Variants in POLA1 observed in about 807,000 individuals in gnomAD.
POLA1 encodes DNA polymerase alpha 1, catalytic subunit.
Under a neutral mutation model 124.0 loss-of-function variants are expected in POLA1, and 15 were observed. The ratio of observed to expected loss-of-function variants is 0.12; its 90% CI spans 0.08 to 0.19. POLA1 has a LOEUF of 0.19. Ranked by LOEUF, POLA1 falls within the 10% of genes least tolerant of loss-of-function variation. POLA1 has a pLI of 1.00. For synonymous variants in POLA1, 408 were observed against 389.4 expected (o/e 1.05, Z -0.56); for missense variants, 886 against 1,103.4 (o/e 0.80, Z 2.79).
At chrX:24,964,364 T>A (rs762044023) in intron 36 of POLA1, among the ~76,000 whole-genome samples, 2 of 112,804 alleles carry the variant, frequency 1.8e-5, no homozygotes, top group East Asian at 5.5e-4. Flanking sequence ...ATAAAAATGT[T>A]TTTATGACAA....
At chrX:24,964,073 AT>A (rs936201728) in intron 36 of POLA1, among the ~76,000 whole-genome samples, 3 of 111,761 alleles carry the variant, frequency 2.7e-5, no homozygotes, top group Non-Finnish European at 3.8e-5. Flanking sequence ...GGAAGTGCTG[AT>A]TGGTGGGAAG....
chrX:24,784,036 T>A (rs980924360), intron 26 of POLA1, among the ~76,000 whole-genome samples: 1 of 107,619 alleles, frequency 9.3e-6, no homozygotes, highest in African/African-American at 3.4e-5. Flanking sequence ...CCATTTATCA[T>A]TTTATCTGCA....
At position 24,786,224 on chromosome X, in the gene POLA1, G is replaced by A. The variant is rs2045358237; in HGVS notation, c.2965-23674G>A. 2.7e-5 allele frequency among the ~76,000 whole-genome samples: 3 copies of A among 112,151 alleles called. No homozygotes were observed. In the South Asian group the frequency reaches 1.1e-3, roughly 42 times the overall value. On this transcript the variant is annotated intron_variant, in intron 26 of 36. Coordinates refer to ENST00000379068, the MANE Select transcript of POLA1 (RefSeq NM_001330360.2). Reference sequence around the variant, plus strand: ...ATAACTGATTTCATTTCCTTTGGATGTAATTTTTTGGGGAACCTCCATACT... The same window carrying A: ...ATAACTGATTTCATTTCCTTTGGATATAATTTTTTGGGGAACCTCCATACT...
At position 24,735,551 on chromosome X, in the gene POLA1, C is replaced by T. The variant is rs776413849; in HGVS notation, c.1923+63C>T. 8 of 645,689 alleles carry T rather than the reference C, an allele frequency of 1.2e-5. No individual in the cohort carries two copies. In the African/African-American group the frequency reaches 1.7e-4, roughly 14 times the overall value. 53.2% of individuals were successfully genotyped at this position (645,689 alleles called of 1,213,427 possible). Reference sequence around the variant, plus strand: ...CATTTCTTAGTTCTTTTCAGTGTGACTTTATTGGTGCTTTTGAGCAGCAAA... The same window carrying T: ...CATTTCTTAGTTCTTTTCAGTGTGATTTTATTGGTGCTTTTGAGCAGCAAA... On this transcript the variant is annotated intron_variant, in intron 18 of 36. Transcript: ENST00000379068.
Position 24,922,987 on chromosome X carries a change from A to T in POLA1, c.4165-7466A>T, listed in dbSNP as rs373220401. Among the ~76,000 whole-genome samples, 286 of 112,002 alleles carry T rather than the reference A, an allele frequency of 2.6e-3. 1 individual carries two copies. The highest frequency in any genetic ancestry group is 8.8e-3 in the African/African-American group (273 of 30,857). ...GCAAATTCAATCTTTTTTTGACATT[A>T]GGTTAACCTAGAAATAATGACATTA... On this transcript the variant is annotated intron_variant, in intron 35 of 36. Coordinates refer to ENST00000379068, the MANE Select transcript of POLA1 (RefSeq NM_001330360.2).
rs753405184 is a variant in POLA1, at chrX:24,923,981, C to T, written c.4165-6472C>T. Among the ~76,000 whole-genome samples the T allele has an allele frequency of 1.3e-3, 150 of 111,609 alleles. 2 individuals are homozygous for T. The highest frequency in any genetic ancestry group is 5.9e-4 in the African/African-American group (18 of 30,703). Reference sequence around the variant, plus strand: ...AGCCTAAAGGTGTATGGAAATTGAGCGATACTGGAATTCGAAGGCATATCT... The same window carrying T: ...AGCCTAAAGGTGTATGGAAATTGAGTGATACTGGAATTCGAAGGCATATCT... On this transcript the variant is annotated intron_variant, in intron 35 of 36. Transcript: ENST00000379068.
intron 35 of POLA1, among the ~76,000 whole-genome samples, chrX:24,910,038 G>C (rs1317599837): frequency 9.1e-6 from 1 of 110,066 alleles, no homozygotes; most frequent in Admixed American, 9.7e-5. Flanking sequence ...CTCTCTGTTT[G>C]TCTGTTATTG....
At chrX:24,769,184 G>A (rs1376681849) in intron 26 of POLA1, among the ~76,000 whole-genome samples, 1 of 111,513 alleles carries the variant, frequency 9.0e-6, no homozygotes, top group Non-Finnish European at 1.9e-5. Flanking sequence ...TCATAATCAT[G>A]TCAGGTGATG....
chrX:24,696,658 T>C (rs927675728), intron 1 of POLA1, among the ~76,000 whole-genome samples: 5 of 111,644 alleles, frequency 4.5e-5, no homozygotes, highest in Admixed American at 9.5e-5. Flanking sequence ...TCAAGACTTA[T>C]AAGGGATGGG....
intron 34 of POLA1, among the ~76,000 whole-genome samples, chrX:24,844,476 C>CA (rs752074051): frequency 0.077 from 6,463 of 83,396 alleles, 513 homozygotes; most frequent in African/African-American, 0.24. Flanking sequence ...CAACACATTT[C>CA]AAAAAAAAAA....
intron 30 of POLA1, among the ~76,000 whole-genome samples, chrX:24,817,565 G>A (rs1332120310): frequency 3.1e-5 from 3 of 95,855 alleles, no homozygotes; most frequent in Non-Finnish European, 6.0e-5. Context: ...CTGAGATGGC[G>A]CCACCGCACT....
intron 32 of POLA1, among the ~76,000 whole-genome samples, chrX:24,837,237 G>A (rs996479324): frequency 8.9e-6 from 1 of 111,759 alleles, no homozygotes; most frequent in Non-Finnish European, 1.9e-5. Context: ...ATGTTCCCTC[G>A]TGCCTCTTCC....
chrX:24,788,126 C>G (rs1430902570), intron 26 of POLA1, among the ~76,000 whole-genome samples: 1 of 111,773 alleles, frequency 8.9e-6, no homozygotes, highest in African/African-American at 3.3e-5. Context: ...ATGATAATCT[C>G]AATAGATGCA....
At chrX:24,824,274 A>G (rs959648530) in intron 31 of POLA1, among the ~76,000 whole-genome samples, 25 of 110,320 alleles carry the variant, frequency 2.3e-4, no homozygotes, top group African/African-American at 7.6e-4. Flanking sequence ...TTTGAGAATG[A>G]AATCTTTGAA....
At chrX:24,836,362 A>G in intron 32 of POLA1, among the ~76,000 whole-genome samples, 1 of 111,448 alleles carries the variant, frequency 9.0e-6, no homozygotes, top group African/African-American at 3.3e-5. Context: ...GTAAGCATGT[A>G]TTTTTCTTGG....
intron 4 of POLA1, among the ~76,000 whole-genome samples, chrX:24,711,149 A>AT (rs1472100568): frequency 9.1e-6 from 1 of 110,200 alleles, no homozygotes; most frequent in African/African-American, 3.3e-5. Flanking sequence ...CGCTCGGCTA[A>AT]TTTTTTGTGT....
rs935559565 is a variant in POLA1 at position 24,826,275 on chromosome X, T to C, written c.3562-152T>C. On this transcript the variant is annotated intron_variant, in intron 31 of 36. Transcript: ENST00000379068. Reference sequence around the variant, plus strand: ...TTTTCCTACTCAAAATGTTCAACAATAGGTCAAAAAGAGGTCTTGATGTTT... The same window carrying C: ...TTTTCCTACTCAAAATGTTCAACAACAGGTCAAAAAGAGGTCTTGATGTTT... 5.9e-5 allele frequency: 23 copies of C among 391,111 alleles called. No individual in the cohort carries two copies. In the Admixed American group the frequency reaches 8.7e-4, roughly 15 times the overall value. The allele number at this position is 391,111 out of a possible 1,213,427, so 32.2% of individuals were successfully genotyped here.
At chrX:24,820,055 A>G (rs775951958) in intron 30 of POLA1, among the ~76,000 whole-genome samples, 3 of 112,105 alleles carry the variant, frequency 2.7e-5, no homozygotes, top group South Asian at 3.8e-4. Context: ...CCAGTCAGTC[A>G]TTGATGGGCA....
At position 24,950,586 on chromosome X, in the gene POLA1, A is replaced by G. The variant is rs72623019; in HGVS notation, c.4261+20037A>G. On this transcript the variant is annotated intron_variant, in intron 36 of 36. Transcript: ENST00000379068. ...ATCTGTTCCACCAGTAGTTCAACAT[A>G]TTAAAATATTGAATATTTTCTGTAT... 7.2e-4 allele frequency among the ~76,000 whole-genome samples: 81 copies of G among 112,388 alleles called. 1 individual carries two copies. In the East Asian group the frequency reaches 0.018, roughly 24 times the overall value.
Sources: allele counts gnomAD v4.1 joint callset (sites outside exome capture counted in the v4.1 genomes callset), GRCh38; gene constraint gnomAD v4.1.1; transcripts MANE v1.5; gene names NCBI Gene and HGNC (gene_info 2026-07-23, HGNC 2026-07-21).